SLC25A18: variants seen among roughly 807,000 people sequenced by gnomAD.
SLC25A18 encodes the protein mitochondrial glutamate carrier 2.
SLC25A18 carries 24 observed loss-of-function variants against 31.1 expected under a neutral mutation model. That is an observed-to-expected ratio of 0.77 (90% confidence interval 0.56 to 1.08). SLC25A18 has a LOEUF of 1.08. Ranked by LOEUF, SLC25A18 falls within the 50% of genes least tolerant of loss-of-function variation. The probability of loss-of-function intolerance (pLI) is 0.00; values close to 1 mark genes in which losing one functional copy is unlikely to be tolerated. For synonymous variants in SLC25A18, 173 were observed against 161.9 expected, an observed-to-expected ratio of 1.07 and a Z score of -0.52; for missense variants, 371 against 418.5, an observed-to-expected ratio of 0.89 and a Z score of 0.99.
Position 17,579,972 on chromosome 22 carries a change from C to T in SLC25A18, c.20+8C>T, listed in dbSNP as rs112090050. The T allele has an allele frequency of 9.9e-6, 16 of 1,609,592 alleles. No individual in the cohort carries two copies. The highest frequency in any genetic ancestry group is 1.7e-5 in the Admixed American group (1 of 59,408). On this transcript the variant is annotated splice_region_variant and intron_variant, in intron 3 of 10. Coordinates refer to ENST00000327451, the MANE Select transcript of SLC25A18 (RefSeq NM_031481.3). The stretch of plus-strand genomic sequence containing the variant: ...GACCCACCAGGATCTGAGGTGAGCT[C>T]GGCTGGGGCAGCCTGAGGCCCTGGG...
intron 1 of SLC25A18, among the ~76,000 whole-genome samples, chr22:17,565,768 G>A (rs2056920868): frequency 6.6e-6 from 1 of 152,128 alleles, no homozygotes; most frequent in South Asian, 2.1e-4. Context: ...TCCGGAGGCT[G>A]AGGCAGGAGA....
At chr22:17,576,483 C>T (rs1569182218) in intron 2 of SLC25A18, among the ~76,000 whole-genome samples, 1 of 152,200 alleles carries the variant, frequency 6.6e-6, no homozygotes, top group Non-Finnish European at 1.5e-5. Flanking sequence ...CTGCAAATGG[C>T]ATACAGTAAT....
At chr22:17,582,862 G>A (rs569016779) in intron 6 of SLC25A18, among the ~76,000 whole-genome samples, 1 of 152,240 alleles carries the variant, frequency 6.6e-6, no homozygotes, top group East Asian at 1.9e-4. Context: ...AGATAATATA[G>A]AGAACATATA....
At chr22:17,564,814 G>A (rs1361974385) in intron 1 of SLC25A18, among the ~76,000 whole-genome samples, 5 of 138,626 alleles carry the variant, frequency 3.6e-5, no homozygotes, top group Admixed American at 8.1e-5. Context: ...CCAAGATTGA[G>A]CCAGTGCACT....
chr22:17,578,019 C>G (rs750266472), intron 2 of SLC25A18, among the ~76,000 whole-genome samples: 1 of 143,422 alleles, frequency 7.0e-6, no homozygotes. Context: ...GGGTTTCGCT[C>G]TGTTGCCCAG....
At chr22:17,576,032 C>G (rs901741698) in intron 2 of SLC25A18, among the ~76,000 whole-genome samples, 4 of 152,084 alleles carry the variant, frequency 2.6e-5, no homozygotes, top group Admixed American at 2.0e-4. Context: ...CCCAATACCC[C>G]CTACACCCTC....
intron 7 of SLC25A18, among the ~76,000 whole-genome samples, chr22:17,584,554 C>T (rs986400575): frequency 1.3e-4 from 20 of 151,296 alleles, no homozygotes; most frequent in African/African-American, 3.6e-4. Flanking sequence ...CCGAGGCAGG[C>T]GGATCACCTG....
intron 7 of SLC25A18, among the ~76,000 whole-genome samples, chr22:17,585,740 C>A (rs1201530877): frequency 6.6e-6 from 1 of 150,786 alleles, no homozygotes; most frequent in Non-Finnish European, 1.5e-5. Flanking sequence ...CCTCTGCCTC[C>A]CAGGTTCAAG....
intron 7 of SLC25A18, 113 bp downstream of exon 7, chr22:17,583,647 C>T (rs1256360252): frequency 7.0e-7 from 1 of 1,431,888 alleles, no homozygotes; most frequent in South Asian, 1.4e-5. Context: ...ACTTTCCAAG[C>T]AGGTAGAAGT....
At chr22:17,570,168 A>C (rs552411522) in intron 2 of SLC25A18, 182 bp downstream of exon 2, 64 of 201,242 alleles carry the variant, frequency 3.2e-4, no homozygotes, top group African/African-American at 1.5e-3. Context: ...GGGGTATCCC[A>C]GGCAACATCC....
At chr22:17,587,388 TC>T in intron 8 of SLC25A18, 87 bp downstream of exon 8, 11 of 1,466,632 alleles carry the variant, frequency 7.5e-6, no homozygotes, top group Non-Finnish European at 9.1e-6. Context: ...TGCCTCTGTG[TC>T]CTTCCCAGAA....
Position 17,583,449 on chromosome 22 carries a change from CG to C in SLC25A18, c.327del (p.Cys110ValfsTer10), listed in dbSNP as rs746943915. On this transcript the variant is annotated frameshift_variant, in exon 7 of 11. Coordinates refer to ENST00000327451, the MANE Select transcript of SLC25A18 (RefSeq NM_031481.3). LOFTEE classifies it high-confidence loss of function. ...QRNLKMEMLA[G>X]CGAGMCQVVV... Reference sequence around the variant, plus strand: ...GGAACCTGAAGATGGAGATGCTTGCCGGGTGTGGGGCTGGGATGTGCCAGGT... The same window carrying C: ...GGAACCTGAAGATGGAGATGCTTGCCGGTGTGGGGCTGGGATGTGCCAGGT... 4.3e-6 allele frequency: 7 copies of C among 1,613,940 alleles called. No individual in the cohort carries two copies. In the African/African-American group the frequency reaches 9.3e-5, roughly 22 times the overall value.
At position 17,579,771 on chromosome 22, in the gene SLC25A18, C is replaced by T. The variant is rs1019632371; in HGVS notation, c.-174C>T. 8 of 1,408,926 alleles carry T rather than the reference C, an allele frequency of 5.7e-6. No homozygotes were observed. Among genetic ancestry groups the T allele is most frequent in the African/African-American group, 2.9e-5 (2 of 69,046 alleles). 87.3% of individuals were successfully genotyped at this position (1,408,926 alleles called of 1,614,324 possible). Reference sequence around the variant, plus strand: ...GGAGGAAGCCGCAGCCCAAGGAGGTCGTCACTTGCCGGGAAGGTGGCTCGG... The same window carrying T: ...GGAGGAAGCCGCAGCCCAAGGAGGTTGTCACTTGCCGGGAAGGTGGCTCGG... On this transcript the variant is annotated 5_prime_UTR_variant, in exon 3 of 11. Coordinates refer to ENST00000327451, the MANE Select transcript of SLC25A18 (RefSeq NM_031481.3).
rs948206416 is a variant in SLC25A18, at chr22:17,570,061, G to A, written c.-201+75G>A. On this transcript the variant is annotated intron_variant, in intron 2 of 10. Transcript: ENST00000327451. ...TCTTCTAGCAAATAAACCATTGGGG[G>A]AAAGGGGAAGAGCAGCCAGTGGGAC... 4.3e-6 allele frequency: 4 copies of A among 929,446 alleles called. No individual in the cohort carries two copies. In the African/African-American group the frequency reaches 5.4e-5, roughly 12 times the overall value. 57.6% of individuals were successfully genotyped at this position (929,446 alleles called of 1,614,324 possible).
chr22:17,588,143 A>G, intron 9 of SLC25A18, 64 bp downstream of exon 9: 1 of 1,589,328 alleles, frequency 6.3e-7, no homozygotes, highest in East Asian at 2.3e-5. Flanking sequence ...TATAGATAAA[A>G]CAGCCTGACC....
chr22:17,590,031 G>A, intron 10 of SLC25A18, 64 bp from the exon 11 acceptor site: 1 of 1,599,584 alleles, frequency 6.3e-7, no homozygotes, highest in Non-Finnish European at 8.5e-7. Flanking sequence ...TGGAGAGGCT[G>A]CCACTGAGGG....
At chr22:17,566,982 C>T (rs2056953404) in intron 1 of SLC25A18, among the ~76,000 whole-genome samples, 1 of 152,144 alleles carries the variant, frequency 6.6e-6, no homozygotes, top group Non-Finnish European at 1.5e-5. Context: ...GGCAACATGG[C>T]AAAACCGCGT....
chr22:17,582,964 C>T (rs1408240292), intron 6 of SLC25A18, among the ~76,000 whole-genome samples: 1 of 152,166 alleles, frequency 6.6e-6, no homozygotes, highest in African/African-American at 2.4e-5. Flanking sequence ...AATCCCAGCA[C>T]TTTAGGAGGT....
At chr22:17,585,018 C>T (rs1450192334) in intron 7 of SLC25A18, among the ~76,000 whole-genome samples, 1 of 151,940 alleles carries the variant, frequency 6.6e-6, no homozygotes, top group Non-Finnish European at 1.5e-5. Flanking sequence ...CCTGTAATCT[C>T]AGCTACTCAG....
Sources: gnomAD v4.1 joint callset for allele counts (sites outside exome capture counted in the v4.1 genomes callset) on GRCh38, gnomAD v4.1.1 for gene constraint, MANE v1.5 for transcripts, NCBI Gene and HGNC (gene_info 2026-07-23, HGNC 2026-07-21) for gene names.